The following SLC25A17 variants were observed in gnomAD, a reference collection of about 807,000 sequenced individuals.
SLC25A17 encodes solute carrier family 25 member 17.
Under a neutral mutation model 38.5 loss-of-function variants are expected in SLC25A17, and 26 were observed. The ratio of observed to expected loss-of-function variants is 0.68; its 90% CI spans 0.50 to 0.94. SLC25A17 has a LOEUF of 0.94. Ranked by LOEUF, SLC25A17 falls within the 40% of genes least tolerant of loss-of-function variation. SLC25A17 has a pLI of 0.00. For missense variants in SLC25A17, 333 were observed against 372.7 expected, an observed-to-expected ratio of 0.89 and a Z score of 0.88; for synonymous variants, 139 against 136.2, an observed-to-expected ratio of 1.02 and a Z score of -0.14.
chr22:40,818,895 G>A (rs1454825860), intron 1 of SLC25A17, among the ~76,000 whole-genome samples: 1 of 152,090 alleles, frequency 6.6e-6, no homozygotes, highest in Non-Finnish European at 1.5e-5. Flanking sequence ...TGAGTGTGCG[G>A]TGGTAGCCTG....
chr22:40,809,331 AAAAC>A (rs753649473), intron 1 of SLC25A17, among the ~76,000 whole-genome samples: 45 of 152,118 alleles, frequency 3.0e-4, no homozygotes, highest in Non-Finnish European at 5.0e-4. Context: ...TCTCTTTAAA[AAAAC>A]AAACAAACAA....
intron 1 of SLC25A17, among the ~76,000 whole-genome samples, chr22:40,808,190 C>G (rs2057546681): frequency 6.6e-6 from 1 of 152,150 alleles, no homozygotes; most frequent in African/African-American, 2.4e-5. Flanking sequence ...AATCTATTTC[C>G]CAAGAGACAC....
intron 2 of SLC25A17, chr22:40,797,271 A>C (rs561168612): frequency 8.0e-7 from 1 of 1,252,034 alleles, no homozygotes; most frequent in Non-Finnish European, 1.1e-6. Context: ...TTACTATTGA[A>C]AGCTAATCTT....
At position 40,819,341 on chromosome 22, in the gene SLC25A17, A is replaced by C; in HGVS notation, c.-93T>G. 1 of 1,239,300 alleles carries C rather than the reference A, an allele frequency of 8.1e-7. No individual in the cohort carries two copies. The highest frequency in any genetic ancestry group is 1.6e-5 in the African/African-American group (1 of 61,346). The allele number at this position is 1,239,300 out of a possible 1,614,324, so 76.8% of individuals were successfully genotyped here. A position where few individuals can be genotyped will look rare whatever the true frequency, so the allele number is the denominator to read the frequency against. ...GGAGCACCGGAGCTCAGGGTGTGAGAGTCGCAATCCCCGCCCTCTCAAACC... is the reference window on the plus strand; with the variant it reads ...GGAGCACCGGAGCTCAGGGTGTGAGCGTCGCAATCCCCGCCCTCTCAAACC... On this transcript the variant is annotated 5_prime_UTR_variant, in exon 1 of 9. Transcript: ENST00000435456.
In SLC25A17 at chr22:40,800,776, C is replaced by T. The variant is rs143981497; in HGVS notation, c.55-1693G>A. On this transcript the variant is annotated intron_variant, in intron 1 of 8. Coordinates refer to ENST00000435456, the MANE Select transcript of SLC25A17 (RefSeq NM_006358.4). ...CTGCACTCCAGCCTGGGTGACAAAGCGAGAGTCTGCCTCAAAAAAAAAAAA... is the reference window on the plus strand; with the variant it reads ...CTGCACTCCAGCCTGGGTGACAAAGTGAGAGTCTGCCTCAAAAAAAAAAAA... Among the ~76,000 whole-genome samples the T allele has an allele frequency of 9.2e-3, 1,193 of 129,564 alleles. 12 individuals are homozygous for T. Among genetic ancestry groups the T allele is most frequent in the African/African-American group, 0.033 (1,133 of 34,638 alleles). The allele number at this position is 129,564 out of a possible 152,430, so 85.0% of individuals were successfully genotyped here. A position where few individuals can be genotyped will look rare whatever the true frequency, so the allele number is the denominator to read the frequency against.
At chr22:40,819,075 G>T in intron 1 of SLC25A17, 120 bp downstream of exon 1, 1 of 1,078,162 alleles carries the variant, frequency 9.3e-7, no homozygotes, top group Non-Finnish European at 1.4e-6. Context: ...CCACAGTCAT[G>T]ACAGTGGACC....
intron 8 of SLC25A17, among the ~76,000 whole-genome samples, chr22:40,771,666 G>A (rs9619896): frequency 0.018 from 2,808 of 152,132 alleles, 80 homozygotes; most frequent in African/African-American, 0.063. Flanking sequence ...CAAAACAATT[G>A]AACTCATGGA....
At position 40,778,994 on chromosome 22, in the gene SLC25A17, C is replaced by A. The variant is rs767104251; in HGVS notation, c.451+15G>T. On this transcript the variant is annotated intron_variant, in intron 5 of 8. Coordinates refer to ENST00000435456, the MANE Select transcript of SLC25A17 (RefSeq NM_006358.4). ...AGAAAACCCTTAAATAGGAATTCAG[C>A]AAAGAGATACTTACCAATGATACCT... The A allele has an allele frequency of 5.0e-6, 8 of 1,597,388 alleles. No individual in the cohort carries two copies. The highest frequency in any genetic ancestry group is 6.9e-6 in the Non-Finnish European group (8 of 1,165,246).
At chr22:40,795,360 T>TCGG (rs2061591878) in intron 2 of SLC25A17, among the ~76,000 whole-genome samples, 1 of 151,976 alleles carries the variant, frequency 6.6e-6, no homozygotes, top group Non-Finnish European at 1.5e-5. Context: ...CGGCGTGATC[T>TCGG]CGGCTCACTG....
chr22:40,780,245 C>T (rs906350924), intron 4 of SLC25A17: 11 of 152,136 alleles, frequency 7.2e-5, no homozygotes, highest in Admixed American at 2.0e-4. Context: ...TAGTTGCATA[C>T]AGTTGTTAAA....
intron 4 of SLC25A17, among the ~76,000 whole-genome samples, chr22:40,783,704 A>G (rs1388895376): frequency 6.6e-6 from 1 of 151,580 alleles, no homozygotes; most frequent in Non-Finnish European, 1.5e-5. Context: ...CTAAAATGGT[A>G]CCTCTTTTTT....
intron 3 of SLC25A17, among the ~76,000 whole-genome samples, chr22:40,793,580 A>G (rs2057401857): frequency 6.6e-6 from 1 of 151,938 alleles, no homozygotes; most frequent in Non-Finnish European, 1.5e-5. Flanking sequence ...TCATGAGGAA[A>G]TGTGAGGCAA....
At chr22:40,774,785 C>G (rs570461102) in intron 7 of SLC25A17, among the ~76,000 whole-genome samples, 52 of 152,196 alleles carry the variant, frequency 3.4e-4, no homozygotes, top group Non-Finnish European at 6.8e-4. Context: ...ATGTTAAGTA[C>G]CAATTTTAAA....
At chr22:40,791,228 G>A (rs1426747120) in intron 4 of SLC25A17, among the ~76,000 whole-genome samples, 1 of 152,166 alleles carries the variant, frequency 6.6e-6, no homozygotes. Flanking sequence ...GGGTGGGAAG[G>A]CACGAAGAGC....
intron 4 of SLC25A17, 86 bp downstream of exon 4, chr22:40,792,439 C>A (rs2145675107): frequency 4.7e-6 from 5 of 1,062,358 alleles, no homozygotes; most frequent in South Asian, 4.4e-5. Flanking sequence ...TCTTTGTAAG[C>A]ATTACTTTGG....
intron 4 of SLC25A17, among the ~76,000 whole-genome samples, chr22:40,781,297 G>A (rs1265886540): frequency 1.3e-5 from 2 of 150,838 alleles, no homozygotes; most frequent in East Asian, 3.9e-4. Context: ...CCAGGCCGGA[G>A]TGCAGTGGTT....
intron 1 of SLC25A17, among the ~76,000 whole-genome samples, chr22:40,803,121 TCTAA>T (rs1449672030): frequency 1.3e-5 from 2 of 152,138 alleles, no homozygotes; most frequent in Non-Finnish European, 2.9e-5. Flanking sequence ...CTTATTCATG[TCTAA>T]CTTTTTCTTC....
At position 40,811,040 on chromosome 22, in the gene SLC25A17, C is replaced by T. The variant is rs6002163; in HGVS notation, c.54+8155G>A. Among the ~76,000 whole-genome samples the T allele has an allele frequency of 3.6e-3, 546 of 152,032 alleles. 5 individuals are homozygous for T. The highest frequency in any genetic ancestry group is 0.013 in the African/African-American group (526 of 41,460). ...CTCTGGGTGGAGGTCAATTAATCCT[C>T]TCACCTCAGCCTCCCAGGTAGCTGG... On this transcript the variant is annotated intron_variant, in intron 1 of 8. Transcript: ENST00000435456.
At chr22:40,817,534 C>G (rs2057654511) in intron 1 of SLC25A17, among the ~76,000 whole-genome samples, 1 of 152,218 alleles carries the variant, frequency 6.6e-6, no homozygotes, top group Non-Finnish European at 1.5e-5. Context: ...TTCACAGCCT[C>G]TGCCATCCCA....
Sources: allele counts gnomAD v4.1 joint callset (sites outside exome capture counted in the v4.1 genomes callset), GRCh38; gene constraint gnomAD v4.1.1; transcripts MANE v1.5; gene names NCBI Gene and HGNC (gene_info 2026-07-23, HGNC 2026-07-21).